CIMIP4: variants seen among roughly 807,000 people sequenced by gnomAD.
The protein encoded by CIMIP4 is protein EAN57.
At chr22:36,991,427 C>A in the CIMIP4 span, 15 of 1,588,826 alleles carry the variant, frequency 9.4e-6, no homozygotes, top group Non-Finnish European at 1.3e-5. Flanking sequence ...AGCCAACACA[C>A]CCTGCTGGTG....
the CIMIP4 span, among the ~76,000 whole-genome samples, chr22:36,997,114 C>T: frequency 4.5e-4 from 69 of 152,314 alleles, 1 homozygote; most frequent in East Asian, 0.011. Context: ...CTAAAGTTTC[C>T]TCAAGCCTCA....
the CIMIP4 span, chr22:37,004,000 T>C: frequency 5.8e-6 from 9 of 1,549,126 alleles, no homozygotes; most frequent in African/African-American, 4.1e-5. Context: ...CCTCTTGCTG[T>C]GGGACAGGCA....
the CIMIP4 span, among the ~76,000 whole-genome samples, chr22:36,998,126 A>G: frequency 6.6e-6 from 1 of 152,244 alleles, no homozygotes; most frequent in Non-Finnish European, 1.5e-5. Flanking sequence ...ATGATGGGAC[A>G]TGGACATTTT....
At chr22:37,004,647 C>T in the CIMIP4 span, among the ~76,000 whole-genome samples, 1 of 152,090 alleles carries the variant, frequency 6.6e-6, no homozygotes, top group African/African-American at 2.4e-5. Context: ...GATTCAAAAG[C>T]CTCTGCAGCT....
the CIMIP4 span, among the ~76,000 whole-genome samples, chr22:36,995,957 A>G: frequency 6.6e-6 from 1 of 152,198 alleles, no homozygotes; most frequent in African/African-American, 2.4e-5. Context: ...CTGCTTATAG[A>G]CACCATTGTC....
chr22:37,006,769 G>A, the CIMIP4 span, among the ~76,000 whole-genome samples: 26 of 152,304 alleles, frequency 1.7e-4, no homozygotes, highest in African/African-American at 5.5e-4. Flanking sequence ...CTGTTTCTTG[G>A]TATAATTCTC....
the CIMIP4 span, chr22:37,003,955 G>C: frequency 1.2e-5 from 18 of 1,548,710 alleles, no homozygotes; most frequent in Admixed American, 1.8e-4. Flanking sequence ...TCCCTGGTCT[G>C]CCTGTCCTAC....
At chr22:36,995,521 C>A in the CIMIP4 span, among the ~76,000 whole-genome samples, 3 of 152,326 alleles carry the variant, frequency 2.0e-5, no homozygotes, top group Non-Finnish European at 4.4e-5. Context: ...GGTTCCCCCG[C>A]AGCCCTGTCT....
the CIMIP4 span, among the ~76,000 whole-genome samples, chr22:36,996,134 C>G: frequency 7.0e-6 from 1 of 143,698 alleles, no homozygotes; most frequent in Admixed American, 7.0e-5. Context: ...TATTTTTTAT[C>G]TGGAAAAAAA....
At chr22:36,992,557 C>A in the CIMIP4 span, among the ~76,000 whole-genome samples, 1 of 151,886 alleles carries the variant, frequency 6.6e-6, no homozygotes, top group Non-Finnish European at 1.5e-5. Flanking sequence ...TTGAAATAAT[C>A]TTGGGTGGGA....
chr22:37,003,191 T>C, the CIMIP4 span, among the ~76,000 whole-genome samples: 1 of 152,230 alleles, frequency 6.6e-6, no homozygotes, highest in African/African-American at 2.4e-5. Context: ...AATGTGGCCA[T>C]GTATGAGGAT....
At chr22:37,002,744 C>T in the CIMIP4 span, among the ~76,000 whole-genome samples, 1 of 152,216 alleles carries the variant, frequency 6.6e-6, no homozygotes, top group South Asian at 2.1e-4. Flanking sequence ...AATCTGGCAG[C>T]AGCGGCACTG....
the CIMIP4 span, among the ~76,000 whole-genome samples, chr22:37,002,643 C>T: frequency 6.6e-6 from 1 of 152,182 alleles, no homozygotes; most frequent in Non-Finnish European, 1.5e-5. Flanking sequence ...GGGACTTGGC[C>T]TGTCTGTGCT....
At chr22:37,001,856 T>C in the CIMIP4 span, 2 of 1,597,658 alleles carry the variant, frequency 1.3e-6, no homozygotes, top group African/African-American at 2.7e-5. Flanking sequence ...GGAGACCAGC[T>C]GGTCCACCAC....
chr22:36,993,262 G>T, the CIMIP4 span, among the ~76,000 whole-genome samples: 9 of 151,808 alleles, frequency 5.9e-5, 1 homozygote, highest in East Asian at 1.4e-3. Context: ...CGCCCATCTC[G>T]GCCTCCCAAA....
At chr22:37,004,745 T>C in the CIMIP4 span, among the ~76,000 whole-genome samples, 1 of 151,818 alleles carries the variant, frequency 6.6e-6, no homozygotes, top group Non-Finnish European at 1.5e-5. Context: ...TGGAGTACAG[T>C]AGTGCAATCT....
At chr22:37,005,099 A>T in the CIMIP4 span, among the ~76,000 whole-genome samples, 1 of 152,190 alleles carries the variant, frequency 6.6e-6, no homozygotes, top group African/African-American at 2.4e-5. Flanking sequence ...ATGGAGCAAG[A>T]AACTGAGGGT....
At chr22:36,993,270 A>G in the CIMIP4 span, among the ~76,000 whole-genome samples, 1 of 151,768 alleles carries the variant, frequency 6.6e-6, no homozygotes, top group African/African-American at 2.4e-5. Flanking sequence ...TCGGCCTCCC[A>G]AAGTGCTGGG....
the CIMIP4 span, among the ~76,000 whole-genome samples, chr22:37,001,599 G>T: frequency 3.3e-5 from 5 of 152,080 alleles, no homozygotes; most frequent in African/African-American, 9.6e-5. Flanking sequence ...TCTAAGCCTC[G>T]GTCTCCTTAT....
Sources: gnomAD v4.1 joint callset for allele counts (sites outside exome capture counted in the v4.1 genomes callset) on GRCh38, gnomAD v4.1.1 for gene constraint, MANE v1.5 for transcripts, NCBI Gene and HGNC (gene_info 2026-07-23, HGNC 2026-07-21) for gene names.